Variants in ZNF385B observed in about 807,000 individuals in gnomAD.
ZNF385B encodes zinc finger protein 533.
Under a neutral mutation model 39.2 loss-of-function variants are expected in ZNF385B, and 23 were observed. The observed-to-expected ratio is 0.59, with a 90% CI of 0.42 to 0.83. The LOEUF (loss-of-function observed/expected upper bound fraction) is 0.83, where lower values mean the gene tolerates loss of function less well. Ranked by LOEUF, ZNF385B falls within the 40% of genes least tolerant of loss-of-function variation. The probability of loss-of-function intolerance (pLI) is 0.00; values close to 1 mark genes in which losing one functional copy is unlikely to be tolerated. For synonymous variants in ZNF385B, 205 were observed against 222.6 expected (o/e 0.92, Z 0.70); for missense variants, 552 against 598.9 (o/e 0.92, Z 0.82).
chr2:179,681,147 A>G (rs942015035), intron 3 of ZNF385B, among the ~76,000 whole-genome samples: 2 of 150,166 alleles, frequency 1.3e-5, no homozygotes, highest in African/African-American at 4.9e-5. Flanking sequence ...ACTGGCATTG[A>G]TATTTTCTCC....
chr2:179,818,317 C>A (rs2106578217), intron 1 of ZNF385B, among the ~76,000 whole-genome samples: 1 of 152,238 alleles, frequency 6.6e-6, no homozygotes, highest in African/African-American at 2.4e-5. Flanking sequence ...TGAAAATATC[C>A]TAAAATGATT....
chr2:179,847,158 T>C (rs111903827), intron 1 of ZNF385B, among the ~76,000 whole-genome samples: 6 of 152,338 alleles, frequency 3.9e-5, no homozygotes, highest in African/African-American at 9.6e-5. Context: ...TCTATTCTTA[T>C]ATTCTTCATA....
chr2:179,557,496 T>C (rs2060987571), intron 3 of ZNF385B, among the ~76,000 whole-genome samples: 1 of 150,480 alleles, frequency 6.6e-6, no homozygotes, highest in African/African-American at 2.4e-5. Context: ...AAAACATATG[T>C]GTATATAACA....
intron 3 of ZNF385B, chr2:179,584,007 C>T (rs1390490271): frequency 4.3e-6 from 5 of 1,160,240 alleles, no homozygotes; most frequent in Non-Finnish European, 5.8e-6. Context: ...CAACCTGCTA[C>T]TTGTTGTGTA....
chr2:179,795,067 G>A (rs1158998245), intron 1 of ZNF385B, among the ~76,000 whole-genome samples: 1 of 152,082 alleles, frequency 6.6e-6, no homozygotes, highest in African/African-American at 2.4e-5. Flanking sequence ...GTGGAAGCAA[G>A]TGAAAAATGT....
chr2:179,800,825 T>C (rs1705983716), intron 1 of ZNF385B, among the ~76,000 whole-genome samples: 1 of 152,106 alleles, frequency 6.6e-6, no homozygotes. Flanking sequence ...TGCTGAAGCC[T>C]TTTAAAGCAA....
At chr2:179,482,782 T>C (rs2054136748) in intron 6 of ZNF385B, among the ~76,000 whole-genome samples, 1 of 152,184 alleles carries the variant, frequency 6.6e-6, no homozygotes, top group South Asian at 2.1e-4. Context: ...CATTTAGTAA[T>C]GCTACTCTCT....
At chr2:179,685,859 C>G (rs757562295) in intron 3 of ZNF385B, among the ~76,000 whole-genome samples, 3 of 152,142 alleles carry the variant, frequency 2.0e-5, no homozygotes, top group Non-Finnish European at 4.4e-5. Flanking sequence ...AAGTTGATAA[C>G]CAGGATGGAC....
chr2:179,683,213 C>A (rs1697660124), intron 3 of ZNF385B, among the ~76,000 whole-genome samples: 2 of 151,860 alleles, frequency 1.3e-5, no homozygotes, highest in Admixed American at 1.3e-4. Flanking sequence ...CACGGTGAAA[C>A]CCTGTCTGTA....
intron 1 of ZNF385B, among the ~76,000 whole-genome samples, chr2:179,800,125 C>T (rs1187941009): frequency 6.6e-6 from 1 of 151,944 alleles, no homozygotes; most frequent in Non-Finnish European, 1.5e-5. Flanking sequence ...GATAAAAACC[C>T]ATTTCTGAAA....
intron 6 of ZNF385B, among the ~76,000 whole-genome samples, chr2:179,450,810 T>C (rs983679906): frequency 5.9e-5 from 9 of 152,274 alleles, no homozygotes; most frequent in African/African-American, 2.2e-4. Flanking sequence ...TGTATGTTTA[T>C]TGTGGCACTA....
chr2:179,781,759 C>A (rs1429152803), intron 1 of ZNF385B, among the ~76,000 whole-genome samples: 1 of 152,032 alleles, frequency 6.6e-6, no homozygotes, highest in Non-Finnish European at 1.5e-5. Flanking sequence ...ATTCATCCTG[C>A]CAAGACTGAG....
At chr2:179,582,764 T>G (rs1295981330) in intron 3 of ZNF385B, among the ~76,000 whole-genome samples, 2 of 152,212 alleles carry the variant, frequency 1.3e-5, no homozygotes, top group South Asian at 2.1e-4. Flanking sequence ...AAACAGAGGG[T>G]TCTCATATAC....
At chr2:179,682,924 C>G (rs995047430) in intron 3 of ZNF385B, among the ~76,000 whole-genome samples, 1 of 152,202 alleles carries the variant, frequency 6.6e-6, no homozygotes, top group East Asian at 1.9e-4. Flanking sequence ...GAGGAGCAGC[C>G]TGGCTATGCA....
intron 4 of ZNF385B, among the ~76,000 whole-genome samples, chr2:179,521,130 A>G (rs1302043100): frequency 6.6e-6 from 1 of 152,134 alleles, no homozygotes; most frequent in East Asian, 1.9e-4. Context: ...AAAAATTGTT[A>G]GCTGCCTACA....
In ZNF385B at chr2:179,819,360, C is replaced by T. The variant is rs75324082; in HGVS notation, c.-155+41741G>A. ...CCTTGGAATCTTTAAGTGCCTGGAA[C>T]ACAGTGGCCTCCCTCATGACATCAC... On this transcript the variant is annotated intron_variant, in intron 1 of 9. Coordinates refer to ENST00000410066, the MANE Select transcript of ZNF385B (RefSeq NM_152520.6). 4.7e-3 allele frequency among the ~76,000 whole-genome samples: 718 copies of T among 152,216 alleles called. 4 individuals are homozygous for T. The highest frequency in any genetic ancestry group is 0.016 in the African/African-American group (659 of 41,538).
chr2:179,857,113 T>C (rs1044983461), intron 1 of ZNF385B, among the ~76,000 whole-genome samples: 7 of 152,232 alleles, frequency 4.6e-5, no homozygotes, highest in African/African-American at 1.4e-4. Context: ...ATGATTTACA[T>C]GCACATTAAA....
intron 1 of ZNF385B, among the ~76,000 whole-genome samples, chr2:179,774,022 T>G (rs1321430406): frequency 6.6e-6 from 1 of 151,960 alleles, no homozygotes; most frequent in Admixed American, 6.6e-5. Flanking sequence ...GTGCTTTATG[T>G]GTTTGTGGTC....
At position 179,719,692 on chromosome 2, in the gene ZNF385B, T is replaced by C. The variant is rs548551977; in HGVS notation, c.298+49811A>G. 2.6e-5 allele frequency among the ~76,000 whole-genome samples: 4 copies of C among 152,326 alleles called. No individual in the cohort carries two copies. The East Asian group carries it at 7.7e-4, about 29-fold the overall frequency. On this transcript the variant is annotated intron_variant, in intron 3 of 9. Coordinates refer to ENST00000410066, the MANE Select transcript of ZNF385B (RefSeq NM_152520.6). ...CAGTGGGAACAGCATGTTAACATGATTGCATCAAATACATCTTCAATAGAT... is the reference window on the plus strand; with the variant it reads ...CAGTGGGAACAGCATGTTAACATGACTGCATCAAATACATCTTCAATAGAT...
Sources: gnomAD v4.1 joint callset for allele counts (sites outside exome capture counted in the v4.1 genomes callset) on GRCh38, gnomAD v4.1.1 for gene constraint, MANE v1.5 for transcripts, NCBI Gene and HGNC (gene_info 2026-07-23, HGNC 2026-07-21) for gene names.